Variants in TGFB1I1 observed in about 807,000 individuals in gnomAD.
The protein encoded by TGFB1I1 is transforming growth factor beta-1-induced transcript 1 protein.
Under a neutral mutation model 52.0 loss-of-function variants are expected in TGFB1I1, and 33 were observed. The observed-to-expected ratio is 0.63, with a 90% CI of 0.48 to 0.85. The LOEUF is 0.85. Among genes scored for constraint, TGFB1I1 ranks in the 40% least tolerant of loss-of-function variants. TGFB1I1 has a pLI of 0.00. For missense variants in TGFB1I1, 577 were observed against 614.9 expected (o/e 0.94, Z 0.65); for synonymous variants, 236 against 253.3 (o/e 0.93, Z 0.65).
chr16:31,477,027 G>C lies in TGFB1I1; in HGVS notation c.1119+17G>C. 6.4e-7 allele frequency: 1 copy of C among 1,562,996 alleles called. No homozygotes were observed. The highest frequency in any genetic ancestry group is 8.6e-7 in the Non-Finnish European group (1 of 1,162,130). ...GTCTGCAGGGTGCGAGCTGCGGGGC[G>C]GGGCGTTGGAGGGGCGGGTCAAGGG... is the stretch of plus-strand genomic sequence containing the variant. On this transcript the variant is annotated intron_variant, in intron 10 of 10. Coordinates refer to ENST00000394863, the MANE Select transcript of TGFB1I1 (RefSeq NM_001042454.3). This position sits in a 1 kb window ranked among gnomAD's most constrained non-coding sequence, Gnocchi z 4.7.
chr16:31,477,616 C>G lies in TGFB1I1; in HGVS notation c.*40C>G. ...CGCCCTCTCCCCCGGAGGCCGCGCC[C>G]TCCCGGAAAAGCCGGGTCCTCCAGA... On this transcript the variant is annotated 3_prime_UTR_variant, in exon 11 of 11. Coordinates refer to ENST00000394863, the MANE Select transcript of TGFB1I1 (RefSeq NM_001042454.3). The surrounding 1 kb of genome is among the most constrained non-coding windows in gnomAD (Gnocchi z 4.7). 1 of 1,550,938 alleles carries G rather than the reference C, an allele frequency of 6.4e-7. No homozygotes were observed. Among genetic ancestry groups the G allele is most frequent in the Non-Finnish European group, 8.7e-7 (1 of 1,152,514 alleles).
rs369114096 is a variant in TGFB1I1 at position 31,474,434 on chromosome 16, T to C, written c.498T>C (p.Ser166=). 1.9e-6 allele frequency: 3 copies of C among 1,614,092 alleles called. No homozygotes were observed. The highest frequency in any genetic ancestry group is 3.3e-5 in the Admixed American group (2 of 60,010). ...TGGATAGACTGATGGCCTCACTCTC[T>C]GACTTCCGCGTTCAAAACCATGTGA... ...LELDRLMASL[S]DFRVQNHLPA... is the part of the protein sequence containing the mutation. The change falls in exon 6 of 11, where the codon TCT becomes TCC. Residue 166 remains serine, a synonymous_variant. Coordinates refer to ENST00000394863, the MANE Select transcript of TGFB1I1 (RefSeq NM_001042454.3). The surrounding 1 kb of genome is among the most constrained non-coding windows in gnomAD (Gnocchi z 4.2).
Position 31,476,921 on chromosome 16 carries a change from C to T in TGFB1I1, c.1030C>T (p.Pro344Ser). The change falls in exon 10 of 11, where the codon CCG becomes TCG. Residue 344 changes from proline to serine, a missense_variant. Pro to Ser is a moderately conservative substitution (Grantham distance 74). Transcript: ENST00000394863. The surrounding 1 kb of genome is among the most constrained non-coding windows in gnomAD (Gnocchi z 7.6). ...CCGGGACTTCCTGCAGCTGTTCGCC[C>T]CGCGCTGCCAGGGCTGCCAGGGCCC... The part of the protein sequence containing the change: ...CRRDFLQLFA[P>S]RCQGCQGPIL... 5 of 1,608,666 alleles carry T rather than the reference C, an allele frequency of 3.1e-6. No homozygotes were observed. The South Asian group carries it at 5.5e-5, about 18-fold the overall frequency.
At position 31,474,248 on chromosome 16, in the gene TGFB1I1, G is replaced by A. The variant is rs762663891; in HGVS notation, c.413+9G>A. On this transcript the variant is annotated intron_variant, in intron 5 of 10. Transcript: ENST00000394863. This position sits in a 1 kb window ranked among gnomAD's most constrained non-coding sequence, Gnocchi z 4.2. ...AAGAAAAGACCCAGCCTGTGAGTTT[G>A]GCGTCGTTGTCAGGGCTGAGAGATG... is the stretch of plus-strand genomic sequence containing the variant. 23 of 1,614,138 alleles carry A rather than the reference G, an allele frequency of 1.4e-5. No individual in the cohort carries two copies. The East Asian group carries it at 4.9e-4, about 34-fold the overall frequency.
chr16:31,476,326 T>G lies in TGFB1I1; in HGVS notation c.888+141T>G. ...TCCCCTTGGCAATGTCCACGGCCCC[T>G]TGGACTCCACTCTTCCTTTCTGACC... is the stretch of plus-strand genomic sequence containing the variant. On this transcript the variant is annotated intron_variant, in intron 8 of 10. Transcript: ENST00000394863. This position sits in a 1 kb window ranked among gnomAD's most constrained non-coding sequence, Gnocchi z 7.6. 1.9e-6 allele frequency: 2 copies of G among 1,029,066 alleles called. No homozygotes were observed. Among genetic ancestry groups the G allele is most frequent in the Non-Finnish European group, 2.6e-6 (2 of 779,382 alleles). The allele number at this position is 1,029,066 out of a possible 1,614,324, so 63.7% of individuals were successfully genotyped here. A position where few individuals can be genotyped will look rare whatever the true frequency, so the allele number is the denominator to read the frequency against.
At position 31,476,312 on chromosome 16, in the gene TGFB1I1, A is replaced by C; in HGVS notation, c.888+127A>C. 7 of 1,357,754 alleles carry C rather than the reference A, an allele frequency of 5.2e-6. No individual in the cohort carries two copies. The highest frequency in any genetic ancestry group is 7.0e-6 in the Non-Finnish European group (7 of 1,001,676). The allele number at this position is 1,357,754 out of a possible 1,614,324, so 84.1% of individuals were successfully genotyped here. A position where few individuals can be genotyped will look rare whatever the true frequency, so the allele number is the denominator to read the frequency against. On this transcript the variant is annotated intron_variant, in intron 8 of 10. Coordinates refer to ENST00000394863, the MANE Select transcript of TGFB1I1 (RefSeq NM_001042454.3). This position sits in a 1 kb window ranked among gnomAD's most constrained non-coding sequence, Gnocchi z 7.6. ...CCACCCCTACCCCTTCCCCTTGGCA[A>C]TGTCCACGGCCCCTTGGACTCCACT...
chr16:31,474,197 A>G lies in TGFB1I1; in HGVS notation c.371A>G (p.Glu124Gly), dbSNP rs2082408107. Residue 124 changes from glutamate to glycine, a missense_variant, in exon 5 of 11, where the codon GAG (glutamate) becomes GGG (glycine). Around this residue, in one of 3 missense-constraint regions of TGFB1I1, gnomAD observed 456 missense variants for 461.6 expected, o/e 0.99. Transcript: ENST00000394863. The surrounding 1 kb of genome is among the most constrained non-coding windows in gnomAD (Gnocchi z 4.2). ...QFPSSKVASG[E>G]QKEDQSEDKK... Reference sequence around the variant, plus strand: ...CCATCTAGCAAGGTGGCTTCAGGAGAGCAGAAGGAGGACCAGTCTGAAGAT... The same window carrying G: ...CCATCTAGCAAGGTGGCTTCAGGAGGGCAGAAGGAGGACCAGTCTGAAGAT... 6.2e-7 allele frequency: 1 copy of G among 1,613,890 alleles called. No individual in the cohort carries two copies. Among genetic ancestry groups the G allele is most frequent in the Non-Finnish European group, 8.5e-7 (1 of 1,180,002 alleles).
chr16:31,477,675 A>G lies in TGFB1I1; in HGVS notation c.*99A>G. 1 of 1,429,594 alleles carries G rather than the reference A, an allele frequency of 7.0e-7. No individual in the cohort carries two copies. Among genetic ancestry groups the G allele is most frequent in the East Asian group, 2.5e-5 (1 of 40,124 alleles). The allele number at this position is 1,429,594 out of a possible 1,614,324, so 88.6% of individuals were successfully genotyped here. A position where few individuals can be genotyped will look rare whatever the true frequency, so the allele number is the denominator to read the frequency against. ...CCTTGCTCTCAGAGCGGGAGGCCCCACCCACTGGAGAGCCCCGCCCCTAAG... is the reference window on the plus strand; with the variant it reads ...CCTTGCTCTCAGAGCGGGAGGCCCCGCCCACTGGAGAGCCCCGCCCCTAAG... On this transcript the variant is annotated 3_prime_UTR_variant, in exon 11 of 11. Coordinates refer to ENST00000394863, the MANE Select transcript of TGFB1I1 (RefSeq NM_001042454.3). This position sits in a 1 kb window ranked among gnomAD's most constrained non-coding sequence, Gnocchi z 4.7.
Position 31,474,126 on chromosome 16 carries a change from G to A in TGFB1I1, c.326-26G>A. The A allele has an allele frequency of 6.2e-7, 1 of 1,613,236 alleles. No homozygotes were observed. Among genetic ancestry groups the A allele is most frequent in the Non-Finnish European group, 8.5e-7 (1 of 1,179,376 alleles). Reference sequence around the variant, plus strand: ...GGGTGCGTTGAGCATGGCCCTATATGTAGCGTCCTCCTCTCCTCTCTCCAG... The same window carrying A: ...GGGTGCGTTGAGCATGGCCCTATATATAGCGTCCTCCTCTCCTCTCTCCAG... On this transcript the variant is annotated intron_variant, in intron 4 of 10. Transcript: ENST00000394863. The surrounding 1 kb of genome is among the most constrained non-coding windows in gnomAD (Gnocchi z 4.2).
chr16:31,472,314 C>A, intron 1 of TGFB1I1, 113 bp downstream of exon 1: 1 of 1,354,456 alleles, frequency 7.4e-7, no homozygotes, highest in African/African-American at 1.5e-5. Context: ...CTGCTTTTCG[C>A]CTCTGCCCGC....
rs930983627 is a variant in TGFB1I1 at position 31,477,896 on chromosome 16, C to G, written c.*320C>G. 6.9e-6 allele frequency: 3 copies of G among 434,490 alleles called. No homozygotes were observed. Among genetic ancestry groups the G allele is most frequent in the Non-Finnish European group, 8.2e-6 (2 of 242,790 alleles). The allele number at this position is 434,490 out of a possible 1,614,324, so 26.9% of individuals were successfully genotyped here. ...CGGAGGCCAGGCCAGGACGTCCTTG[C>G]TCCCTGCACCCTCACTGTTCTGTGC... is the stretch of plus-strand genomic sequence containing the variant. On this transcript the variant is annotated 3_prime_UTR_variant, in exon 11 of 11. Coordinates refer to ENST00000394863, the MANE Select transcript of TGFB1I1 (RefSeq NM_001042454.3). The surrounding 1 kb of genome is among the most constrained non-coding windows in gnomAD (Gnocchi z 4.7).
Position 31,473,553 on chromosome 16 carries a change from A to G in TGFB1I1, c.126A>G (p.Pro42=). The G allele has an allele frequency of 6.2e-7, 1 of 1,613,812 alleles. No homozygotes were observed. The highest frequency in any genetic ancestry group is 8.5e-7 in the Non-Finnish European group (1 of 1,179,902). The part of the protein sequence containing the change: ...LTPPPSYGHQ[P]QTGSGESSGA... ...CTCCCCCATCCTATGGCCACCAGCC[A>G]CAGGTGAGATCGGATGTTGGGGACT... Residue 42 remains proline (P), a synonymous_variant, in exon 2 of 11, where the codon CCA becomes CCG. Transcript: ENST00000394863.
rs374624543 is a variant in TGFB1I1 at position 31,476,870 on chromosome 16, G to A, written c.979G>A (p.Glu327Lys). Residue 327 changes from glutamate (E) to lysine (K), a missense_variant, in exon 10 of 11, where the codon GAG (glutamate) becomes AAG (lysine). This residue lies in a region of TGFB1I1 where 456 missense variants were observed against 461.6 expected (regional missense o/e 0.99). Coordinates refer to ENST00000394863, the MANE Select transcript of TGFB1I1 (RefSeq NM_001042454.3). This position sits in a 1 kb window ranked among gnomAD's most constrained non-coding sequence, Gnocchi z 7.6. ...GEPFGDEGFH[E>K]REGRPYCRRD... ...TCGGTTCCCTCTCCTAGGTTTCCAC[G>A]AGCGCGAGGGCCGCCCCTACTGCCG... is the stretch of plus-strand genomic sequence containing the variant. 1.2e-6 allele frequency: 2 copies of A among 1,611,376 alleles called. No individual in the cohort carries two copies. The highest frequency in any genetic ancestry group is 2.7e-5 in the African/African-American group (2 of 74,882).
In TGFB1I1 at chr16:31,474,225, GAAAA is replaced by G; in HGVS notation, c.400_403del (p.Lys134AspfsTer27). 3 of 1,614,150 alleles carry G rather than the reference GAAAA, an allele frequency of 1.9e-6. No individual in the cohort carries two copies. The highest frequency in any genetic ancestry group is 2.5e-6 in the Non-Finnish European group (3 of 1,180,018). On this transcript the variant is annotated frameshift_variant, in exon 5 of 11. Transcript: ENST00000394863. LOFTEE classifies it high-confidence loss of function. This position sits in a 1 kb window ranked among gnomAD's most constrained non-coding sequence, Gnocchi z 4.2. ...AGAAGGAGGACCAGTCTGAAGATAA[GAAAA>G]GACCCAGCCTGTGAGTTTGGCGTCG...
chr16:31,473,932 G>A lies in TGFB1I1; in HGVS notation c.280G>A (p.Asp94Asn). The A allele has an allele frequency of 6.2e-7, 1 of 1,613,786 alleles. No individual in the cohort carries two copies. The highest frequency in any genetic ancestry group is 1.3e-5 in the African/African-American group (1 of 74,988). ...GVLGTGLCEL[D>N]RLLQELNATQ... ...CTTGGGTACCGGGCTCTGTGAGCTA[G>A]ATCGGTTGCTTCAGGAACTTAATGC... Residue 94 changes from aspartate to asparagine, a missense_variant, in exon 4 of 11, where the codon GAT becomes AAT. Around this residue, in one of 3 missense-constraint regions of TGFB1I1, gnomAD observed 113 missense variants for 123.9 expected, o/e 0.91. Transcript: ENST00000394863.
rs750016029 is a variant in TGFB1I1 at position 31,476,121 on chromosome 16, G to GC, written c.828dup (p.Glu277ArgfsTer5). ...TTCGAGAAGGATGGAGCCCCCTTCTGCCCCGAGTGCTACTTTGAGCGCTTC... is the reference window on the plus strand; with the variant it reads ...TTCGAGAAGGATGGAGCCCCCTTCTGCCCCCGAGTGCTACTTTGAGCGCTTC... On this transcript the variant is annotated frameshift_variant, in exon 8 of 11. Coordinates refer to ENST00000394863, the MANE Select transcript of TGFB1I1 (RefSeq NM_001042454.3). LOFTEE classifies it high-confidence loss of function. The surrounding 1 kb of genome is among the most constrained non-coding windows in gnomAD (Gnocchi z 7.6). The GC allele has an allele frequency of 6.2e-7, 1 of 1,613,808 alleles. No homozygotes were observed. The highest frequency in any genetic ancestry group is 2.2e-5 in the East Asian group (1 of 44,868).
At position 31,477,486 on chromosome 16, in the gene TGFB1I1, C is replaced by CT; in HGVS notation, c.1298dup (p.Cys434LeufsTer?). The CT allele has an allele frequency of 6.2e-7, 1 of 1,607,034 alleles. No individual in the cohort carries two copies. Among genetic ancestry groups the CT allele is most frequent in the Non-Finnish European group, 8.5e-7 (1 of 1,177,264 alleles). On this transcript the variant is annotated frameshift_variant, in exon 11 of 11. Coordinates refer to ENST00000394863, the MANE Select transcript of TGFB1I1 (RefSeq NM_001042454.3). LOFTEE classifies it high-confidence loss of function. This position sits in a 1 kb window ranked among gnomAD's most constrained non-coding sequence, Gnocchi z 4.7. ...TCCACCCGGACCACTTCACATGCAC[C>CT]TTCTGCCTGCGCCCGCTCACCAAGG...
Position 31,477,388 on chromosome 16 carries a change from C to A in TGFB1I1, c.1198C>A (p.Arg400=). 6.2e-7 allele frequency: 1 copy of A among 1,611,134 alleles called. No individual in the cohort carries two copies. The highest frequency in any genetic ancestry group is 8.5e-7 in the Non-Finnish European group (1 of 1,179,182). Residue 400 remains arginine (R), a synonymous_variant, in exon 11 of 11, where the codon CGA becomes AGA. Coordinates refer to ENST00000394863, the MANE Select transcript of TGFB1I1 (RefSeq NM_001042454.3). The surrounding 1 kb of genome is among the most constrained non-coding windows in gnomAD (Gnocchi z 4.7). ...GTTGTGCGAGAACCACTTCCACGCA[C>A]GACGCGGCTCGCTGTGCGCCACGTG... ...RPLCENHFHA[R]RGSLCATCGL...
Position 31,474,763 on chromosome 16 carries a change from T to C in TGFB1I1, c.714+6T>C. The C allele has an allele frequency of 6.3e-7, 1 of 1,598,836 alleles. No homozygotes were observed. ...ATAAACCTATTGCTGGGCAAGTAAG[T>C]GGAGCCTTGTGAGAAGGGAGGCAGA... On this transcript the variant is annotated splice_donor_region_variant and intron_variant, in intron 7 of 10. Coordinates refer to ENST00000394863, the MANE Select transcript of TGFB1I1 (RefSeq NM_001042454.3). The surrounding 1 kb of genome is among the most constrained non-coding windows in gnomAD (Gnocchi z 4.2).
Sources: allele counts gnomAD v4.1 joint callset, GRCh38; gene constraint gnomAD v4.1.1; regional missense constraint gnomAD v4.1.1; non-coding constraint Gnocchi (gnomAD v3.1); transcripts MANE v1.5; gene names NCBI Gene and HGNC (gene_info 2026-07-23, HGNC 2026-07-21).